Variants in CATSPERB observed in about 807,000 individuals in gnomAD.
The protein encoded by CATSPERB is catsper channel auxiliary subunit beta.
In CATSPERB, 93 loss-of-function variants were observed where a neutral mutation model predicts 128.3. The observed-to-expected ratio is 0.72, with a 90% CI of 0.61 to 0.86. The LOEUF is 0.86. CATSPERB is among the 40% of genes least tolerant of loss of function. The pLI, the probability that CATSPERB is intolerant of heterozygous loss-of-function variation, is 0.00. For synonymous variants in CATSPERB, 381 were observed against 448.8 expected (o/e 0.85, Z 1.91); for missense variants, 1,153 against 1,329.5 (o/e 0.87, Z 2.06).
Position 91,662,391 on chromosome 14 carries a change from C to T in CATSPERB, c.1288-2410G>A, listed in dbSNP as rs562304359. On this transcript the variant is annotated intron_variant, in intron 14 of 26. Coordinates refer to ENST00000256343, the MANE Select transcript of CATSPERB (RefSeq NM_024764.4). ...TGTTGCATACAGCTCAGTTCATTTG[C>T]TTTTTCATTTCCATATAATAGTTCA... 2.3e-4 allele frequency among the ~76,000 whole-genome samples: 35 copies of T among 152,224 alleles called. 1 individual carries two copies. The highest frequency in any genetic ancestry group is 2.2e-3 in the Admixed American group (33 of 15,284).
At chr14:91,651,079 T>C (rs189997290) in intron 15 of CATSPERB, among the ~76,000 whole-genome samples, 4 of 152,356 alleles carry the variant, frequency 2.6e-5, no homozygotes, top group African/African-American at 7.2e-5. Flanking sequence ...AGACTTTCTC[T>C]TTCCTGTTTG....
At chr14:91,694,524 G>A (rs1349888853) in intron 7 of CATSPERB, among the ~76,000 whole-genome samples, 1 of 146,834 alleles carries the variant, frequency 6.8e-6, no homozygotes, top group East Asian at 2.0e-4. Flanking sequence ...TAAGAGAACA[G>A]AGGAAAATTT....
chr14:91,597,095 G>A (rs773830652), intron 22 of CATSPERB, among the ~76,000 whole-genome samples: 9 of 150,898 alleles, frequency 6.0e-5, no homozygotes, highest in South Asian at 2.1e-4. Flanking sequence ...GTGTTTCACC[G>A]TGTCAGCCAG....
At chr14:91,681,184 AC>A (rs1356453575) in intron 11 of CATSPERB, among the ~76,000 whole-genome samples, 14 of 152,174 alleles carry the variant, frequency 9.2e-5, no homozygotes, top group African/African-American at 3.4e-4. Context: ...TCATGTCCCC[AC>A]AGGACCCCTG....
Position 91,611,575 on chromosome 14 carries a change from A to G in CATSPERB, c.2401-898T>C, listed in dbSNP as rs574653241. Among the ~76,000 whole-genome samples the G allele has an allele frequency of 3.3e-5, 5 of 152,280 alleles. No individual in the cohort carries two copies. In the South Asian group the frequency reaches 1.0e-3, roughly 32 times the overall value. Reference sequence around the variant, plus strand: ...CAGTGAGCCAAGATAACACCACTGCACTCCAGACTGGGTGACAGAGCTAGC... The same window carrying G: ...CAGTGAGCCAAGATAACACCACTGCGCTCCAGACTGGGTGACAGAGCTAGC... On this transcript the variant is annotated intron_variant, in intron 20 of 26. Coordinates refer to ENST00000256343, the MANE Select transcript of CATSPERB (RefSeq NM_024764.4).
At chr14:91,658,498 C>T (rs1894823100) in intron 15 of CATSPERB, among the ~76,000 whole-genome samples, 1 of 150,488 alleles carries the variant, frequency 6.6e-6, no homozygotes, top group Non-Finnish European at 1.5e-5. Flanking sequence ...AGAGTGACTA[C>T]AGTCAATAAT....
At position 91,610,621 on chromosome 14, in the gene CATSPERB, C is replaced by T. The variant is rs1211904303; in HGVS notation, c.2457G>A (p.Thr819=). 8 of 1,612,474 alleles carry T rather than the reference C, an allele frequency of 5.0e-6. No homozygotes were observed. Among genetic ancestry groups the T allele is most frequent in the East Asian group, 2.2e-5 (1 of 44,896 alleles). ...MWSASTECFV[T]TMVPTLKSSC... ...TGCTTTTCAGTGTTGGCACCATTGTCGTAACAAAGCACTCAGTAGAGGCTG... is the reference window on the plus strand; with the variant it reads ...TGCTTTTCAGTGTTGGCACCATTGTTGTAACAAAGCACTCAGTAGAGGCTG... Residue 819 remains threonine, a synonymous_variant, in exon 21 of 27, where the codon ACG becomes ACA. Transcript: ENST00000256343.
At chr14:91,638,919 A>G (rs1567435) in intron 16 of CATSPERB, among the ~76,000 whole-genome samples, 177 bp downstream of exon 16, 27,916 of 152,174 alleles carry the variant, frequency 0.18, 2,752 homozygotes, top group South Asian at 0.23. Context: ...GGGACTTGGA[A>G]GAAGATTTGG....
intron 2 of CATSPERB, among the ~76,000 whole-genome samples, chr14:91,725,603 G>A (rs907461283): frequency 2.6e-5 from 4 of 152,210 alleles, no homozygotes; most frequent in Middle Eastern, 3.4e-3. Context: ...GGTCTGTTGG[G>A]CACACTAAAA....
chr14:91,705,280 G>A (rs59691603), intron 6 of CATSPERB, among the ~76,000 whole-genome samples: 18,555 of 151,974 alleles, frequency 0.12, 1,277 homozygotes, highest in African/African-American at 0.17. Context: ...TCTGCTTCTA[G>A]AGCCCACTCA....
chr14:91,632,332 A>T (rs1173620253), intron 17 of CATSPERB, among the ~76,000 whole-genome samples: 1 of 152,178 alleles, frequency 6.6e-6, no homozygotes, highest in Non-Finnish European at 1.5e-5. Flanking sequence ...AAACATTGAA[A>T]CTCATAACAA....
chr14:91,687,058 G>T (rs1895388948), intron 10 of CATSPERB, among the ~76,000 whole-genome samples: 1 of 151,966 alleles, frequency 6.6e-6, no homozygotes, highest in South Asian at 2.1e-4. Flanking sequence ...AGGAAGAAAA[G>T]TATATATATT....
intron 20 of CATSPERB, among the ~76,000 whole-genome samples, chr14:91,614,853 G>C (rs1619515): frequency 0.93 from 142,013 of 152,246 alleles, 66,359 homozygotes; most frequent in East Asian, 1. Context: ...TTTTCCTTCT[G>C]TTTCATAACT....
intron 7 of CATSPERB, 44 bp downstream of exon 7, chr14:91,704,508 A>T (rs774029402): frequency 6.4e-7 from 1 of 1,557,454 alleles, no homozygotes; most frequent in Non-Finnish European, 8.7e-7. Flanking sequence ...CTGTTACAAA[A>T]TATAAAAGGC....
At chr14:91,584,727 A>C (rs1893267715) in intron 26 of CATSPERB, among the ~76,000 whole-genome samples, 1 of 152,208 alleles carries the variant, frequency 6.6e-6, no homozygotes, top group African/African-American at 2.4e-5. Context: ...CTAACACTTT[A>C]AAGATGTTGT....
chr14:91,722,409 CAT>C (rs1896051060), intron 4 of CATSPERB, among the ~76,000 whole-genome samples: 1 of 152,128 alleles, frequency 6.6e-6, no homozygotes. Flanking sequence ...ATGAACACTA[CAT>C]ATATATGTTT....
At chr14:91,599,358 G>T (rs993266941) in intron 22 of CATSPERB, among the ~76,000 whole-genome samples, 5 of 151,984 alleles carry the variant, frequency 3.3e-5, no homozygotes, top group Non-Finnish European at 5.9e-5. Context: ...AGGAGATTGA[G>T]ACCATCCTGG....
At position 91,719,434 on chromosome 14, in the gene CATSPERB, G is replaced by GT. The variant is rs1247488592; in HGVS notation, c.353dup (p.Asn118LysfsTer30). The GT allele has an allele frequency of 6.2e-7, 1 of 1,611,374 alleles. No homozygotes were observed. Among genetic ancestry groups the GT allele is most frequent in the Non-Finnish European group, 8.5e-7 (1 of 1,178,506 alleles). On this transcript the variant is annotated frameshift_variant, in exon 5 of 27. Coordinates refer to ENST00000256343, the MANE Select transcript of CATSPERB (RefSeq NM_024764.4). LOFTEE classifies it high-confidence loss of function. Reference sequence around the variant, plus strand: ...CACTCTTACCTGTGCTTTGTGTGATGTTTTCTCTAGGAATATCAACCAACC... The same window carrying GT: ...CACTCTTACCTGTGCTTTGTGTGATGTTTTTCTCTAGGAATATCAACCAACC...
intron 5 of CATSPERB, among the ~76,000 whole-genome samples, chr14:91,718,281 A>G (rs1336603779): frequency 1.3e-5 from 2 of 152,256 alleles, no homozygotes; most frequent in African/African-American, 4.8e-5. Context: ...AAGGGTAAAG[A>G]GAGTGATACA....
Sources: gnomAD v4.1 joint callset for allele counts (sites outside exome capture counted in the v4.1 genomes callset) on GRCh38, gnomAD v4.1.1 for gene constraint, MANE v1.5 for transcripts, NCBI Gene and HGNC (gene_info 2026-07-23, HGNC 2026-07-21) for gene names.